TASP1: variants seen among roughly 807,000 people sequenced by gnomAD.
The protein encoded by TASP1 is taspase 1.
In TASP1, 16 loss-of-function variants were observed where a neutral mutation model predicts 56.6. The ratio of observed to expected loss-of-function variants is 0.28; its 90% CI spans 0.19 to 0.43. The LOEUF (loss-of-function observed/expected upper bound fraction) is 0.43, where lower values mean the gene tolerates loss of function less well. Ranked by LOEUF, TASP1 falls within the 20% of genes least tolerant of loss-of-function variation. TASP1 has a pLI of 1.00. For missense variants in TASP1, 393 were observed against 511.6 expected (o/e 0.77, Z 2.24); for synonymous variants, 179 against 184.2 (o/e 0.97, Z 0.23).
chr20:13,579,403 C>T (rs927081519), intron 6 of TASP1, among the ~76,000 whole-genome samples: 42 of 151,456 alleles, frequency 2.8e-4, no homozygotes, highest in African/African-American at 9.7e-4. Flanking sequence ...GAGTCTCGCT[C>T]TGTTGGCCAG....
At chr20:13,528,269 C>A (rs973747074) in intron 10 of TASP1, among the ~76,000 whole-genome samples, 164 bp downstream of exon 10, 5 of 143,878 alleles carry the variant, frequency 3.5e-5, no homozygotes, top group African/African-American at 1.3e-4. Context: ...AGTATTTACA[C>A]TGATACTAAA....
At chr20:13,525,383 G>A (rs79400350) in intron 10 of TASP1, among the ~76,000 whole-genome samples, 2,844 of 152,072 alleles carry the variant, frequency 0.019, 37 homozygotes, top group Non-Finnish European at 0.031. Flanking sequence ...TTCCTATGAC[G>A]CCAGAACATT....
rs1018796945 is a variant in TASP1, at chr20:13,626,866, T to TA, written c.146-1615dup. 4.2e-4 allele frequency among the ~76,000 whole-genome samples: 64 copies of TA among 152,104 alleles called. 1 individual carries two copies. The highest frequency in any genetic ancestry group is 1.4e-3 in the African/African-American group (59 of 41,524). ...AAGGGCATTTAATAGCCTTAACATG[T>TA]AAATCCTTTTGAAATAATAAAAGTC... On this transcript the variant is annotated intron_variant, in intron 2 of 13. Coordinates refer to ENST00000337743, the MANE Select transcript of TASP1 (RefSeq NM_017714.3).
chr20:13,296,820 C>G, the TASP1 span, among the ~76,000 whole-genome samples: 2 of 152,202 alleles, frequency 1.3e-5, no homozygotes, highest in Non-Finnish European at 2.9e-5. Context: ...GAGTTCAAGA[C>G]CAACCTGGCC....
intron 13 of TASP1, among the ~76,000 whole-genome samples, chr20:13,395,305 A>C (rs2041482613): frequency 1.3e-5 from 2 of 152,214 alleles, no homozygotes; most frequent in South Asian, 4.1e-4. Context: ...CCTTCCTGGA[A>C]AGCAGGACTC....
the TASP1 span, among the ~76,000 whole-genome samples, chr20:13,350,578 T>C: frequency 2.6e-5 from 4 of 152,178 alleles, no homozygotes; most frequent in East Asian, 3.8e-4. Context: ...CAGACTGAGA[T>C]AAATATTTGC....
chr20:13,326,511 C>A, the TASP1 span, among the ~76,000 whole-genome samples: 1 of 146,944 alleles, frequency 6.8e-6, no homozygotes. Context: ...TGCTACACAT[C>A]CTCACCAACA....
At chr20:13,254,651 G>T in the TASP1 span, among the ~76,000 whole-genome samples, 1 of 152,286 alleles carries the variant, frequency 6.6e-6, no homozygotes, top group South Asian at 2.1e-4. Flanking sequence ...AAAGGGAGAA[G>T]CTGGGCACTA....
At chr20:13,453,694 T>C (rs1194320884) in intron 11 of TASP1, among the ~76,000 whole-genome samples, 1 of 152,144 alleles carries the variant, frequency 6.6e-6, no homozygotes, top group Non-Finnish European at 1.5e-5. Flanking sequence ...CATTACATAC[T>C]GAACCCCATT....
chr20:13,106,341 T>A, the TASP1 span, among the ~76,000 whole-genome samples: 3 of 152,246 alleles, frequency 2.0e-5, no homozygotes, highest in East Asian at 1.9e-4. Context: ...CCTGACTTCA[T>A]GGAAGAGAGA....
chr20:13,263,825 A>T, the TASP1 span, among the ~76,000 whole-genome samples: 9 of 152,204 alleles, frequency 5.9e-5, no homozygotes, highest in African/African-American at 2.2e-4. Context: ...CTAATTAACT[A>T]TATTGTTAGT....
chr20:13,556,428 T>C (rs888720872), intron 8 of TASP1, among the ~76,000 whole-genome samples: 1 of 152,198 alleles, frequency 6.6e-6, no homozygotes, highest in African/African-American at 2.4e-5. Flanking sequence ...TGGAGAACTT[T>C]GCAAAATGTG....
In TASP1 at chr20:13,506,711, G is replaced by A. The variant is rs543257831; in HGVS notation, c.874+21722C>T. On this transcript the variant is annotated intron_variant, in intron 10 of 13. Coordinates refer to ENST00000337743, the MANE Select transcript of TASP1 (RefSeq NM_017714.3). ...CAACATGCTTTCATGATTAAAAAAA[G>A]AAACTCTCAACAAATTAGGTACAGA... 6.6e-4 allele frequency among the ~76,000 whole-genome samples: 100 copies of A among 152,026 alleles called. No homozygotes were observed. In the Middle Eastern group the frequency reaches 0.01, roughly 16 times the overall value.
intron 12 of TASP1, among the ~76,000 whole-genome samples, chr20:13,420,281 C>G (rs745452511): frequency 1.3e-4 from 20 of 152,124 alleles, no homozygotes; most frequent in Non-Finnish European, 2.2e-4. Flanking sequence ...AAAATTTAGA[C>G]TTACAAAAGA....
the TASP1 span, among the ~76,000 whole-genome samples, chr20:13,331,110 TC>T: frequency 6.6e-6 from 1 of 152,182 alleles, no homozygotes; most frequent in Non-Finnish European, 1.5e-5. Flanking sequence ...TTGAGCCCTT[TC>T]TTATTTTCTA....
At chr20:13,608,268 G>A (rs954553143) in intron 4 of TASP1, among the ~76,000 whole-genome samples, 2 of 152,180 alleles carry the variant, frequency 1.3e-5, no homozygotes, top group African/African-American at 4.8e-5. Flanking sequence ...CAATGAAACT[G>A]TATTACTGAC....
chr20:13,211,777 G>T, the TASP1 span, among the ~76,000 whole-genome samples: 28 of 152,176 alleles, frequency 1.8e-4, no homozygotes, highest in East Asian at 5.0e-3. Context: ...AAAATAGTAT[G>T]TCAAGTAAAC....
At chr20:13,237,273 C>T in the TASP1 span, among the ~76,000 whole-genome samples, 1 of 152,184 alleles carries the variant, frequency 6.6e-6, no homozygotes, top group Non-Finnish European at 1.5e-5. Context: ...CACTAATGCA[C>T]TCAAAGACCT....
At chr20:13,332,831 AT>A in the TASP1 span, among the ~76,000 whole-genome samples, 1 of 152,158 alleles carries the variant, frequency 6.6e-6, no homozygotes, top group Admixed American at 6.5e-5. Context: ...TTCAAAGCAA[AT>A]TCTGGTGTGA....
Sources: allele counts gnomAD v4.1 joint callset (sites outside exome capture counted in the v4.1 genomes callset), GRCh38; gene constraint gnomAD v4.1.1; transcripts MANE v1.5; gene names NCBI Gene and HGNC (gene_info 2026-07-23, HGNC 2026-07-21).